The following CTNNA3 variants were observed in gnomAD, a reference collection of about 807,000 sequenced individuals.
The protein encoded by CTNNA3 is catenin alpha-3.
In CTNNA3, 76 loss-of-function variants were observed where a neutral mutation model predicts 95.7. The ratio of observed to expected loss-of-function variants is 0.79; its 90% CI spans 0.66 to 0.96. The LOEUF (loss-of-function observed/expected upper bound fraction) is 0.96. CTNNA3 is among the 40% of genes least tolerant of loss of function. The pLI is 0.00. For missense variants in CTNNA3, 1,191 were observed against 1,089.8 expected (o/e 1.09, Z -1.31); for synonymous variants, 431 against 374.4 (o/e 1.15, Z -1.74).
chr10:67,432,442 T>G (rs947259867), intron 5 of CTNNA3, among the ~76,000 whole-genome samples: 2 of 152,016 alleles, frequency 1.3e-5, no homozygotes, highest in Non-Finnish European at 2.9e-5. Context: ...AATCAAGGTG[T>G]CAACAAGGCT....
At chr10:66,326,838 T>C (rs377632705) in intron 12 of CTNNA3, among the ~76,000 whole-genome samples, 1 of 152,096 alleles carries the variant, frequency 6.6e-6, no homozygotes, top group Non-Finnish European at 1.5e-5. Context: ...ATTTCATTCA[T>C]TCAGTGAATG....
At chr10:66,265,651 C>A (rs576700513) in intron 13 of CTNNA3, among the ~76,000 whole-genome samples, 1 of 152,116 alleles carries the variant, frequency 6.6e-6, no homozygotes, top group South Asian at 2.1e-4. Flanking sequence ...AATTACTCTT[C>A]TCTGCCTGAA....
At chr10:67,307,006 A>G (rs200679050) in intron 5 of CTNNA3, among the ~76,000 whole-genome samples, 1 of 152,014 alleles carries the variant, frequency 6.6e-6, no homozygotes, top group Non-Finnish European at 1.5e-5. Flanking sequence ...AGGAAGATAC[A>G]AAAAAATGTA....
intron 7 of CTNNA3, among the ~76,000 whole-genome samples, chr10:66,963,411 G>A (rs1158160914): frequency 6.6e-6 from 1 of 152,120 alleles, no homozygotes; most frequent in Non-Finnish European, 1.5e-5. Context: ...GAAATTATAT[G>A]CACAAAGTTC....
chr10:66,774,060 T>C (rs1840198826), intron 8 of CTNNA3, among the ~76,000 whole-genome samples: 1 of 152,204 alleles, frequency 6.6e-6, no homozygotes, highest in South Asian at 2.1e-4. Context: ...ACACAAGTAA[T>C]TGCATTTTCT....
chr10:66,750,377 T>C (rs1435189825), intron 9 of CTNNA3, among the ~76,000 whole-genome samples: 4 of 152,198 alleles, frequency 2.6e-5, no homozygotes. Context: ...TGACCCATTT[T>C]GAGTTAATTT....
chr10:67,153,678 G>A (rs1861181338), intron 7 of CTNNA3, among the ~76,000 whole-genome samples: 1 of 152,146 alleles, frequency 6.6e-6, no homozygotes, highest in Non-Finnish European at 1.5e-5. Flanking sequence ...TTTACTCCTG[G>A]CTTCAAGAGG....
At chr10:67,489,932 T>C (rs933998557) in intron 5 of CTNNA3, among the ~76,000 whole-genome samples, 2 of 152,114 alleles carry the variant, frequency 1.3e-5, no homozygotes, top group Non-Finnish European at 2.9e-5. Flanking sequence ...AGTGAGATCA[T>C]GTAATATTTG....
At chr10:66,536,481 C>CAAAAAAAAA in intron 10 of CTNNA3, among the ~76,000 whole-genome samples, 1 of 116,224 alleles carries the variant, frequency 8.6e-6, no homozygotes, top group Non-Finnish European at 1.7e-5. Context: ...GACTCTGTCT[C>CAAAAAAAAA]AAAAAAAAAA....
intron 12 of CTNNA3, among the ~76,000 whole-genome samples, chr10:66,375,457 A>C (rs1362830242): frequency 6.6e-6 from 1 of 152,114 alleles, no homozygotes; most frequent in Non-Finnish European, 1.5e-5. Flanking sequence ...CCACATAAAA[A>C]TTCTTTGAGT....
chr10:67,083,794 G>A (rs972186382), intron 7 of CTNNA3, among the ~76,000 whole-genome samples: 9 of 152,014 alleles, frequency 5.9e-5, no homozygotes, highest in African/African-American at 1.9e-4. Flanking sequence ...ATAGACATTG[G>A]GATGGTTCCC....
At chr10:65,961,033 T>A (rs908132816) in intron 17 of CTNNA3, among the ~76,000 whole-genome samples, 3 of 152,166 alleles carry the variant, frequency 2.0e-5, no homozygotes, top group African/African-American at 7.2e-5. Flanking sequence ...TTTGCTTGAC[T>A]TTATTCCATC....
At position 67,305,464 on chromosome 10, in the gene CTNNA3, G is replaced by A. The variant is rs546156050; in HGVS notation, c.580-85594C>T. Among the ~76,000 whole-genome samples, 12 of 151,990 alleles carry A rather than the reference G, an allele frequency of 7.9e-5. No individual in the cohort carries two copies. In the East Asian group the frequency reaches 1.5e-3, roughly 20 times the overall value. ...GAGGAAAAGTCTAGATAGGTATGTA[G>A]GGGAGAAATAAAGAAGGGTCTTGTA... On this transcript the variant is annotated intron_variant, in intron 5 of 17. Transcript: ENST00000433211.
At chr10:66,616,377 T>C (rs1036853196) in intron 10 of CTNNA3, among the ~76,000 whole-genome samples, 1 of 152,122 alleles carries the variant, frequency 6.6e-6, no homozygotes, top group Admixed American at 6.6e-5. Context: ...TCTTCTAACA[T>C]CTGCTCATAG....
At chr10:66,950,257 T>A (rs963440261) in intron 7 of CTNNA3, among the ~76,000 whole-genome samples, 4 of 152,166 alleles carry the variant, frequency 2.6e-5, no homozygotes, top group Non-Finnish European at 5.9e-5. Context: ...ATTATTATTA[T>A]TTTACTTCTA....
intron 13 of CTNNA3, among the ~76,000 whole-genome samples, chr10:66,154,701 C>G (rs2084387636): frequency 1.9e-5 from 1 of 51,762 alleles, no homozygotes; most frequent in Non-Finnish European, 3.7e-5. Flanking sequence ...TTTTCTCTCT[C>G]TACTTTTTGA....
chr10:66,539,950 T>C (rs1841790203), intron 10 of CTNNA3, among the ~76,000 whole-genome samples: 2 of 152,098 alleles, frequency 1.3e-5, no homozygotes, highest in Non-Finnish European at 2.9e-5. Context: ...ATAATAGTCC[T>C]GGTCAATGTT....
intron 11 of CTNNA3, among the ~76,000 whole-genome samples, chr10:66,465,688 G>A (rs1366771198): frequency 6.6e-6 from 1 of 152,006 alleles, no homozygotes; most frequent in East Asian, 1.9e-4. Context: ...CAAGACCCTG[G>A]TGACTTGCCA....
intron 1 of CTNNA3, among the ~76,000 whole-genome samples, chr10:67,756,771 A>G (rs1228106334): frequency 6.6e-6 from 1 of 152,188 alleles, no homozygotes; most frequent in Non-Finnish European, 1.5e-5. Context: ...TAGTGACAGT[A>G]ACACAATATT....
Sources: gnomAD v4.1 joint callset for allele counts (sites outside exome capture counted in the v4.1 genomes callset) on GRCh38, gnomAD v4.1.1 for gene constraint, MANE v1.5 for transcripts, NCBI Gene and HGNC (gene_info 2026-07-23, HGNC 2026-07-21) for gene names.